Variants in SESN1 observed in about 807,000 individuals in gnomAD.
SESN1 encodes the protein sestrin-1.
SESN1 carries 30 observed loss-of-function variants against 59.3 expected under a neutral mutation model. That is an observed-to-expected ratio of 0.51 (90% CI 0.38 to 0.69). The LOEUF (loss-of-function observed/expected upper bound fraction) is 0.69, where lower values mean the gene tolerates loss of function less well. Among genes scored for constraint, SESN1 ranks in the 30% least tolerant of loss-of-function variants. The pLI, the probability that SESN1 is intolerant of heterozygous loss-of-function variation, is 0.00. For synonymous variants in SESN1, 197 were observed against 219.9 expected, an observed-to-expected ratio of 0.90 and a Z score of 0.92; for missense variants, 566 against 673.0, an observed-to-expected ratio of 0.84 and a Z score of 1.76.
At chr6:109,032,007 A>G (rs1364485637) in intron 1 of SESN1, among the ~76,000 whole-genome samples, 1 of 152,186 alleles carries the variant, frequency 6.6e-6, no homozygotes, top group Non-Finnish European at 1.5e-5. Flanking sequence ...GGCATAAATA[A>G]AATTTCGTGT....
chr6:109,015,859 T>C (rs569357523), intron 1 of SESN1, among the ~76,000 whole-genome samples: 34 of 152,346 alleles, frequency 2.2e-4, no homozygotes, highest in Non-Finnish European at 3.2e-4. Flanking sequence ...TAACAGTTTT[T>C]TGAGGGGCTA....
chr6:109,066,320 T>A (rs1451316669), intron 1 of SESN1, among the ~76,000 whole-genome samples: 3 of 152,054 alleles, frequency 2.0e-5, no homozygotes, highest in African/African-American at 4.8e-5. Context: ...TTCTTTTTTT[T>A]TTTTTTTAAA....
rs371759664 is a variant in SESN1 at position 108,992,110 on chromosome 6, A to T, written c.1233+677T>A. ...AATTTTGCCCCTTAGCTTATTTATT[A>T]TTTTTTGAGACAGGATCCCACTCTG... On this transcript the variant is annotated intron_variant, in intron 7 of 9. Transcript: ENST00000436639. Among the ~76,000 whole-genome samples the T allele has an allele frequency of 1.7e-3, 262 of 151,742 alleles. 8 individuals are homozygous for T. The South Asian group carries it at 0.053, about 31-fold the overall frequency.
At chr6:109,012,761 A>C (rs182904478) in intron 1 of SESN1, among the ~76,000 whole-genome samples, 1 of 152,268 alleles carries the variant, frequency 6.6e-6, no homozygotes, top group East Asian at 1.9e-4. Flanking sequence ...AGCAGAATAC[A>C]GGAAGCTCAA....
intron 7 of SESN1, 94 bp from the exon 8 acceptor site, chr6:108,990,929 G>T: frequency 1.8e-6 from 2 of 1,104,302 alleles, no homozygotes; most frequent in Non-Finnish European, 2.5e-6. Flanking sequence ...ATTGTCATTT[G>T]GCTGACAATC....
intron 1 of SESN1, among the ~76,000 whole-genome samples, chr6:109,069,633 C>G (rs909996303): frequency 2.6e-5 from 4 of 152,198 alleles, no homozygotes; most frequent in Non-Finnish European, 4.4e-5. Context: ...CCTGGGACTC[C>G]TGGGTTCAAG....
chr6:109,044,963 C>T (rs1337017768), intron 1 of SESN1, among the ~76,000 whole-genome samples: 1 of 151,742 alleles, frequency 6.6e-6, no homozygotes, highest in Non-Finnish European at 1.5e-5. Context: ...GTAGAGGTTG[C>T]GGTGAGCTGA....
At chr6:109,019,198 C>T (rs1779971099) in intron 1 of SESN1, among the ~76,000 whole-genome samples, 2 of 152,106 alleles carry the variant, frequency 1.3e-5, no homozygotes, top group South Asian at 4.1e-4. Flanking sequence ...TTTACACACA[C>T]ACACAAACAC....
intron 1 of SESN1, 57 bp downstream of exon 1, chr6:109,093,738 G>A: frequency 6.6e-7 from 1 of 1,516,738 alleles, no homozygotes; most frequent in Non-Finnish European, 9.0e-7. Flanking sequence ...GTGAATAACG[G>A]CAAGTAAAAT....
chr6:109,055,435 G>T (rs1780613246), intron 1 of SESN1, among the ~76,000 whole-genome samples: 2 of 152,202 alleles, frequency 1.3e-5, no homozygotes, highest in Middle Eastern at 3.4e-3. Flanking sequence ...GGCTGAGGTG[G>T]GTGGATCACG....
chr6:109,090,207 AG>A (rs565785958), intron 1 of SESN1, among the ~76,000 whole-genome samples: 88 of 152,366 alleles, frequency 5.8e-4, no homozygotes, highest in Non-Finnish European at 1.0e-3. Flanking sequence ...TTTGCAGATG[AG>A]GAAACTGAAT....
At chr6:108,994,439 G>T in intron 6 of SESN1, 23 bp downstream of exon 6, 2 of 1,570,670 alleles carry the variant, frequency 1.3e-6, no homozygotes, top group South Asian at 2.4e-5. Flanking sequence ...TAATTATATT[G>T]ACTATATAAT....
intron 1 of SESN1, among the ~76,000 whole-genome samples, chr6:109,089,545 G>C (rs1781274244): frequency 6.6e-6 from 1 of 152,144 alleles, no homozygotes; most frequent in Non-Finnish European, 1.5e-5. Flanking sequence ...ATCGGGGGCA[G>C]AAATTCATTT....
Position 109,046,896 on chromosome 6 carries a change from C to T in SESN1, c.280-44553G>A, listed in dbSNP as rs1350327077. Among the ~76,000 whole-genome samples the T allele has an allele frequency of 1.6e-4, 20 of 123,474 alleles. No individual in the cohort carries two copies. The East Asian group carries it at 1.9e-3, about 12-fold the overall frequency. The allele number at this position is 123,474 out of a possible 152,430, so 81.0% of individuals were successfully genotyped here. ...GAGCCCCTCCGTCCGGCAGCTGCCC[C>T]GTCTGAGAAGTGAGGAGCCTCTCCG... On this transcript the variant is annotated intron_variant, in intron 1 of 9. Coordinates refer to ENST00000436639, the MANE Select transcript of SESN1 (RefSeq NM_014454.3).
intron 1 of SESN1, among the ~76,000 whole-genome samples, chr6:109,051,473 T>G (rs1244241571): frequency 6.6e-6 from 1 of 152,188 alleles, no homozygotes; most frequent in Non-Finnish European, 1.5e-5. Context: ...AATGTAACCC[T>G]TTAAGGAATG....
intron 1 of SESN1, among the ~76,000 whole-genome samples, chr6:109,079,258 C>G (rs1781081059): frequency 6.6e-6 from 1 of 150,956 alleles, no homozygotes. Flanking sequence ...AATACAGGCC[C>G]AATCATGCAA....
intron 1 of SESN1, among the ~76,000 whole-genome samples, chr6:109,050,969 T>C (rs1430082258): frequency 1.3e-5 from 2 of 152,184 alleles, no homozygotes; most frequent in Admixed American, 1.3e-4. Context: ...TGGACGTTTG[T>C]TATGGTTAAA....
intron 1 of SESN1, among the ~76,000 whole-genome samples, chr6:109,045,833 C>T (rs1780420807): frequency 6.6e-6 from 1 of 152,152 alleles, no homozygotes; most frequent in African/African-American, 2.4e-5. Context: ...ATCTGTTTCT[C>T]CAGTGTCTGG....
chr6:109,052,962 T>A (rs990277374), intron 1 of SESN1, among the ~76,000 whole-genome samples: 1 of 152,134 alleles, frequency 6.6e-6, no homozygotes, highest in African/African-American at 2.4e-5. Context: ...ATCAATAAAG[T>A]AATTGAAAGT....
Sources: allele counts gnomAD v4.1 joint callset (sites outside exome capture counted in the v4.1 genomes callset), GRCh38; gene constraint gnomAD v4.1.1; transcripts MANE v1.5; gene names NCBI Gene and HGNC (gene_info 2026-07-23, HGNC 2026-07-21).